CCDC7: variants seen among roughly 807,000 people sequenced by gnomAD.
CCDC7 encodes coiled-coil domain containing 7, also known as coiled-coil domain-containing protein 7.
Under a neutral mutation model 196.9 loss-of-function variants are expected in CCDC7, and 183 were observed. The observed-to-expected ratio is 0.93, with a 90% CI of 0.82 to 1.05. CCDC7 has a LOEUF of 1.05. CCDC7 is among the 50% of genes least tolerant of loss of function. The pLI is 0.00. For missense variants in CCDC7, 1,540 were observed against 1,482.2 expected, an observed-to-expected ratio of 1.04 and a Z score of -0.64; for synonymous variants, 525 against 484.6, an observed-to-expected ratio of 1.08 and a Z score of -1.10.
intron 41 of CCDC7, among the ~76,000 whole-genome samples, chr10:32,874,207 GTATA>G (rs1028558863): frequency 6.7e-6 from 1 of 148,862 alleles, no homozygotes; most frequent in Non-Finnish European, 1.5e-5. Flanking sequence ...ACATAAATGT[GTATA>G]TAATTTAATA....
At chr10:32,515,783 G>A (rs1206450986) in intron 9 of CCDC7, among the ~76,000 whole-genome samples, 3 of 151,470 alleles carry the variant, frequency 2.0e-5, no homozygotes, top group Non-Finnish European at 2.9e-5. Flanking sequence ...CTCGTGATCC[G>A]CCCACCTCGC....
At chr10:32,748,848 A>G (rs1247668632) in intron 28 of CCDC7, among the ~76,000 whole-genome samples, 2 of 152,238 alleles carry the variant, frequency 1.3e-5, no homozygotes, top group Non-Finnish European at 2.9e-5. Flanking sequence ...TAAGAAGAAC[A>G]GACTGCTCTG....
chr10:32,750,867 A>G (rs763514352), intron 28 of CCDC7, among the ~76,000 whole-genome samples: 2 of 152,216 alleles, frequency 1.3e-5, no homozygotes, highest in African/African-American at 4.8e-5. Context: ...ATTAGAATCC[A>G]TAATATTTCA....
intron 25 of CCDC7, among the ~76,000 whole-genome samples, chr10:32,713,333 C>T (rs943870811): frequency 2.0e-5 from 3 of 152,188 alleles, no homozygotes; most frequent in Admixed American, 2.0e-4. Context: ...CCAAAAGGCC[C>T]AAGAAATGTC....
At chr10:32,755,001 A>G (rs770973756) in intron 28 of CCDC7, among the ~76,000 whole-genome samples, 2 of 152,162 alleles carry the variant, frequency 1.3e-5, no homozygotes, top group South Asian at 2.1e-4. Context: ...TCCCACACCC[A>G]CAAAGCCTCA....
intron 28 of CCDC7, among the ~76,000 whole-genome samples, chr10:32,734,825 AG>A: frequency 6.6e-6 from 1 of 152,146 alleles, no homozygotes; most frequent in Middle Eastern, 3.4e-3. Context: ...TGAACCAGGG[AG>A]GTGGGAAGTT....
chr10:32,774,655 G>T (rs1207655784), intron 28 of CCDC7, among the ~76,000 whole-genome samples: 1 of 151,988 alleles, frequency 6.6e-6, no homozygotes, highest in East Asian at 1.9e-4. Context: ...TTTTTTCTAG[G>T]GGAAGTGATG....
upstream of CCDC7, among the ~76,000 whole-genome samples, chr10:32,445,370 T>C (rs895141689): frequency 6.6e-6 from 1 of 152,150 alleles, no homozygotes; most frequent in African/African-American, 2.4e-5. Context: ...TAATTAGATA[T>C]AATGAATTTT....
At chr10:32,643,448 A>T (rs930116997) in intron 20 of CCDC7, among the ~76,000 whole-genome samples, 8 of 152,052 alleles carry the variant, frequency 5.3e-5, no homozygotes, top group Non-Finnish European at 8.8e-5. Context: ...TTGTTTACAA[A>T]TCCAGTGTGA....
upstream of CCDC7, among the ~76,000 whole-genome samples, chr10:32,445,557 A>T (rs1385224512): frequency 6.6e-6 from 1 of 152,210 alleles, no homozygotes; most frequent in East Asian, 1.9e-4. Context: ...TACTTCGTTC[A>T]ACTTAAAGAC....
chr10:32,618,411 T>A (rs1222758272), intron 18 of CCDC7, among the ~76,000 whole-genome samples: 1 of 152,090 alleles, frequency 6.6e-6, no homozygotes, highest in Non-Finnish European at 1.5e-5. Context: ...TTTATATTTC[T>A]GTATGTTTTC....
chr10:32,453,367 C>G (rs574661487), exon 2 of CCDC7: 2 of 1,540,556 alleles, frequency 1.3e-6, no homozygotes, highest in Non-Finnish European at 1.7e-6. Flanking sequence ...TGGAAGAAAC[C>G]TATGGACATT....
At chr10:32,509,110 A>G (rs1201976680) in intron 9 of CCDC7, among the ~76,000 whole-genome samples, 1 of 152,054 alleles carries the variant, frequency 6.6e-6, no homozygotes, top group Non-Finnish European at 1.5e-5. Flanking sequence ...TGTTGGGATT[A>G]CAGGCCTGAG....
At chr10:32,679,960 A>T (rs1046953294) in intron 21 of CCDC7, among the ~76,000 whole-genome samples, 1 of 152,222 alleles carries the variant, frequency 6.6e-6, no homozygotes, top group African/African-American at 2.4e-5. Context: ...CACACTCTAG[A>T]CAATAGCTTC....
At chr10:32,774,559 G>C (rs1235676042) in intron 28 of CCDC7, among the ~76,000 whole-genome samples, 1 of 152,132 alleles carries the variant, frequency 6.6e-6, no homozygotes, top group Non-Finnish European at 1.5e-5. Flanking sequence ...TTGATTCTGT[G>C]TGTCCAGGAA....
chr10:32,680,419 T>C (rs1476942926), intron 21 of CCDC7, among the ~76,000 whole-genome samples: 1 of 137,324 alleles, frequency 7.3e-6, no homozygotes, highest in Non-Finnish European at 1.7e-5. Flanking sequence ...GACACACATA[T>C]GTTCTTTCTT....
At position 32,846,513 on chromosome 10, in the gene CCDC7, GTTAAA is replaced by G. The variant is rs1269376679; in HGVS notation, c.3688+59_3688+63del. 36 of 1,088,172 alleles carry G rather than the reference GTTAAA, an allele frequency of 3.3e-5. No homozygotes were observed. The African/African-American group carries it at 4.7e-4, about 14-fold the overall frequency. 67.4% of individuals were successfully genotyped at this position (1,088,172 alleles called of 1,614,324 possible). A position where few individuals can be genotyped will look rare whatever the true frequency, so the allele number is the denominator to read the frequency against. On this transcript the variant is annotated intron_variant, in intron 37 of 41. Transcript: ENST00000639629. The stretch of plus-strand genomic sequence containing the variant: ...TTTGTGACCTATTTATGTTCCCTGA[GTTAAA>G]TTAAGTATAGACATTTAATGACAAT...
At chr10:32,511,254 T>TGGGGGGTGG (rs1167793491) in intron 9 of CCDC7, 2 of 594,046 alleles carry the variant, frequency 3.4e-6, no homozygotes, top group African/African-American at 1.1e-4. Context: ...AATTATTCTG[T>TGGGGGGTGG]GGGGGGCGGG....
At chr10:32,724,808 T>C (rs2142234646) in intron 25 of CCDC7, among the ~76,000 whole-genome samples, 1 of 152,196 alleles carries the variant, frequency 6.6e-6, no homozygotes. Context: ...GGTGTGCAGA[T>C]ATGAGTAAGA....
Sources: allele counts gnomAD v4.1 joint callset (sites outside exome capture counted in the v4.1 genomes callset), GRCh38; gene constraint gnomAD v4.1.1; transcripts MANE v1.5; gene names NCBI Gene and HGNC (gene_info 2026-07-23, HGNC 2026-07-21).